The following TMEM161A variants were observed in gnomAD, a reference collection of about 807,000 sequenced individuals.
TMEM161A encodes the protein transmembrane protein 161A, also known as adaptive response to oxidative stress protein 29.
Under a neutral mutation model 57.1 loss-of-function variants are expected in TMEM161A, and 46 were observed. The observed-to-expected ratio is 0.81, with a 90% CI of 0.64 to 1.03. TMEM161A has a LOEUF of 1.03. TMEM161A is among the 50% of genes least tolerant of loss of function. TMEM161A has a pLI of 0.00. For synonymous variants in TMEM161A, 288 were observed against 279.0 expected, an observed-to-expected ratio of 1.03 and a Z score of -0.32; for missense variants, 601 against 621.5, an observed-to-expected ratio of 0.97 and a Z score of 0.35.
At chr19:19,131,151 C>A (rs1044214447) in intron 5 of TMEM161A, among the ~76,000 whole-genome samples, 4 of 151,822 alleles carry the variant, frequency 2.6e-5, no homozygotes, top group African/African-American at 9.7e-5. Context: ...ACCCGGGAGA[C>A]AGAGGTTGTA....
At position 19,120,131 on chromosome 19, in the gene TMEM161A, G is replaced by C; in HGVS notation, c.1239C>G (p.Ser413=). The C allele has an allele frequency of 6.4e-7, 1 of 1,565,302 alleles. No individual in the cohort carries two copies. The highest frequency in any genetic ancestry group is 8.7e-7 in the Non-Finnish European group (1 of 1,155,080). ...AGCCGATGGGGGCAGCGCTGGCTGAGGATGGGTCGGGGGATAGTAGAGGAG... is the reference window on the plus strand; with the variant it reads ...AGCCGATGGGGGCAGCGCTGGCTGACGATGGGTCGGGGGATAGTAGAGGAG... ...GPAPLLSPDP[S]SASAAPIGSG... is the part of the protein sequence containing the mutation. The change falls in exon 12 of 12, where the codon TCC becomes TCG. Residue 413 remains serine (S), a synonymous_variant. Transcript: ENST00000162044.
At chr19:19,124,458 C>G (rs533540798) in intron 6 of TMEM161A, among the ~76,000 whole-genome samples, 8 of 152,260 alleles carry the variant, frequency 5.3e-5, no homozygotes, top group African/African-American at 1.9e-4. Flanking sequence ...CAAATCTTAC[C>G]AAATTTTAAA....
chr19:19,120,940 C>A, intron 10 of TMEM161A, 52 bp downstream of exon 10: 2 of 1,610,070 alleles, frequency 1.2e-6, no homozygotes, highest in Non-Finnish European at 1.7e-6. Flanking sequence ...GACCAGGAAC[C>A]CCACCCTGAG....
In TMEM161A at chr19:19,134,087, T is replaced by C. The variant is rs2059973353; in HGVS notation, c.107+697A>G. Among the ~76,000 whole-genome samples the C allele has an allele frequency of 2.0e-5, 3 of 150,914 alleles. No homozygotes were observed. The South Asian group carries it at 6.3e-4, about 32-fold the overall frequency. ...TTTTTTTGCCTTTGTTTTTGTCACATACATTTTTCTCAGGAGAGAATTCAG... is the reference window on the plus strand; with the variant it reads ...TTTTTTTGCCTTTGTTTTTGTCACACACATTTTTCTCAGGAGAGAATTCAG... On this transcript the variant is annotated intron_variant, in intron 2 of 11. Transcript: ENST00000162044.
At position 19,133,137 on chromosome 19, in the gene TMEM161A, T is replaced by C. The variant is rs758386851; in HGVS notation, c.181A>G (p.Lys61Glu). 3.7e-6 allele frequency: 6 copies of C among 1,613,946 alleles called. No individual in the cohort carries two copies. In the Admixed American group the frequency reaches 1.0e-4, roughly 27 times the overall value. The change falls in exon 3 of 12, where the codon AAA (lysine) becomes GAA (glutamate). Residue 61 changes from lysine (K) to glutamate (E), a missense_variant. Lys to Glu is a moderately conservative substitution (Grantham distance 56). Coordinates refer to ENST00000162044, the MANE Select transcript of TMEM161A (RefSeq NM_017814.3). ...GGGGCCCAGGTCACTCACCGCTCTT[T>C]CCTGCCTCTGGGCCTCGGCTTCCCC... ...LAGKPRPRGR[K>E]ERWANGLSEE... is the part of the protein sequence containing the mutation.
intron 11 of TMEM161A, 129 bp downstream of exon 11, chr19:19,120,636 A>T: frequency 1.2e-6 from 1 of 835,324 alleles, no homozygotes; most frequent in Non-Finnish European, 1.9e-6. Context: ...ACCCTGCCTT[A>T]CCACAGTCTC....
At chr19:19,127,574 G>A (rs918002359) in intron 6 of TMEM161A, among the ~76,000 whole-genome samples, 35 of 151,850 alleles carry the variant, frequency 2.3e-4, no homozygotes, top group Non-Finnish European at 4.3e-4. Context: ...CGCCCGCCTT[G>A]GCCTCCCAAA....
rs1416420599 is a variant in TMEM161A, at chr19:19,121,240, C to T, written c.914+68G>A. The T allele has an allele frequency of 5.2e-6, 8 of 1,551,232 alleles. No individual in the cohort carries two copies. The highest frequency in any genetic ancestry group is 7.0e-6 in the Non-Finnish European group (8 of 1,146,812). On this transcript the variant is annotated intron_variant, in intron 9 of 11. Transcript: ENST00000162044. This position sits in a 1 kb window ranked among gnomAD's most constrained non-coding sequence, Gnocchi z 5.8. ...CCCCCAGGATCTTCCCCAGGCTCCTCCCTGAATCTCAGAGGCTAGGGCACC... is the reference window on the plus strand; with the variant it reads ...CCCCCAGGATCTTCCCCAGGCTCCTTCCTGAATCTCAGAGGCTAGGGCACC...
chr19:19,121,298 C>T lies in TMEM161A; in HGVS notation c.914+10G>A. On this transcript the variant is annotated intron_variant, in intron 9 of 11. Transcript: ENST00000162044. This position sits in a 1 kb window ranked among gnomAD's most constrained non-coding sequence, Gnocchi z 5.8. ...GCCCCAGCTACCTCCTAGCCCCACC[C>T]AATACGCACAGGGAGAAACGCGTCT... The T allele has an allele frequency of 6.4e-7, 1 of 1,557,338 alleles. No homozygotes were observed. Among genetic ancestry groups the T allele is most frequent in the Non-Finnish European group, 8.7e-7 (1 of 1,150,168 alleles).
chr19:19,121,838 G>A lies in TMEM161A; in HGVS notation c.596-19C>T, dbSNP rs373938287. On this transcript the variant is annotated intron_variant, in intron 6 of 11. Transcript: ENST00000162044. The surrounding 1 kb of genome is among the most constrained non-coding windows in gnomAD (Gnocchi z 5.8). ...GCCAGACCTGGGGACGATAAGAAGA[G>A]GACCGAGTAGAGTGAATTCCTAGGG... 8 of 1,613,256 alleles carry A rather than the reference G, an allele frequency of 5.0e-6. No individual in the cohort carries two copies. The highest frequency in any genetic ancestry group is 6.8e-6 in the Non-Finnish European group (8 of 1,179,900).
intron 6 of TMEM161A, among the ~76,000 whole-genome samples, chr19:19,129,161 G>A (rs748841246): frequency 3.9e-5 from 6 of 152,096 alleles, no homozygotes; most frequent in South Asian, 2.1e-4. Flanking sequence ...CCTTACTGCC[G>A]CCCCCTTGGG....
chr19:19,123,476 A>G (rs910258369), intron 6 of TMEM161A, among the ~76,000 whole-genome samples: 1 of 152,244 alleles, frequency 6.6e-6, no homozygotes, highest in Admixed American at 6.6e-5. Context: ...GTCAACTGCA[A>G]CAACAGAAAA....
At position 19,120,841 on chromosome 19, in the gene TMEM161A, A is replaced by G; in HGVS notation, c.1110T>C (p.Tyr370=). ...GGTACTGCAAGCTCACCACGGTCAC[A>G]TAGCAGTAGACTCGGACCACCTGTG... ...IQQRVVRVYC[Y]VTVVSLQYLT... is the part of the protein sequence containing the mutation. The change falls in exon 11 of 12, where the codon TAT becomes TAC. Residue 370 remains tyrosine (Y), a synonymous_variant. Coordinates refer to ENST00000162044, the MANE Select transcript of TMEM161A (RefSeq NM_017814.3). The G allele has an allele frequency of 6.2e-7, 1 of 1,613,450 alleles. No homozygotes were observed. The highest frequency in any genetic ancestry group is 8.5e-7 in the Non-Finnish European group (1 of 1,180,028).
Position 19,121,896 on chromosome 19 carries a change from T to C in TMEM161A, c.596-77A>G. 6.6e-7 allele frequency: 1 copy of C among 1,509,360 alleles called. No homozygotes were observed. The highest frequency in any genetic ancestry group is 2.3e-5 in the East Asian group (1 of 43,088). The allele number at this position is 1,509,360 out of a possible 1,614,324, so 93.5% of individuals were successfully genotyped here. On this transcript the variant is annotated intron_variant, in intron 6 of 11. Transcript: ENST00000162044. This position sits in a 1 kb window ranked among gnomAD's most constrained non-coding sequence, Gnocchi z 5.8. ...GGCCACTCTGTTCCCTAACCCCCCA[T>C]CCCTCAGGCATCCGTTTGCTTCCCA...
chr19:19,130,163 C>T lies in TMEM161A; in HGVS notation c.588G>A (p.Leu196=), dbSNP rs750705855. ...GTTGGGGGCTGCACTTACCAGGCTC[C>T]AGGCCCAGCTCGAGGGTCTCCTCCC... ...VVREETLELG[L]EPGLASMTQN... Residue 196 remains leucine, a synonymous_variant, in exon 6 of 12, where the codon CTG becomes CTA. Coordinates refer to ENST00000162044, the MANE Select transcript of TMEM161A (RefSeq NM_017814.3). The T allele has an allele frequency of 1.9e-6, 3 of 1,613,234 alleles. No homozygotes were observed. Among genetic ancestry groups the T allele is most frequent in the Non-Finnish European group, 2.5e-6 (3 of 1,180,044 alleles).
chr19:19,121,113 C>T lies in TMEM161A; in HGVS notation c.968G>A (p.Cys323Tyr), dbSNP rs2059907667. ...CCGGGTCACCGCCAGCCGCAGCAGG[C>T]ACAGCACCACCAGCAACCAGAGGCG... ...SGRLWLLVVL[C>Y]LLRLAVTRPH... The change falls in exon 10 of 12, where the codon TGC (cysteine) becomes TAC (tyrosine). Residue 323 changes from cysteine (C) to tyrosine (Y), a missense_variant. Coordinates refer to ENST00000162044, the MANE Select transcript of TMEM161A (RefSeq NM_017814.3). The surrounding 1 kb of genome is among the most constrained non-coding windows in gnomAD (Gnocchi z 5.8). 17 of 1,611,380 alleles carry T rather than the reference C, an allele frequency of 1.1e-5. No individual in the cohort carries two copies. The highest frequency in any genetic ancestry group is 3.3e-4 in the Middle Eastern group (2 of 6,078).
chr19:19,126,240 AAAAT>A (rs2059930704), intron 6 of TMEM161A, among the ~76,000 whole-genome samples: 1 of 152,218 alleles, frequency 6.6e-6, no homozygotes, highest in Non-Finnish European at 1.5e-5. Context: ...AATATCAACT[AAAAT>A]AATCAACTTC....
chr19:19,127,780 A>T (rs8099994), intron 6 of TMEM161A, among the ~76,000 whole-genome samples: 7,666 of 151,946 alleles, frequency 0.05, 224 homozygotes, highest in Middle Eastern at 0.11. Context: ...AAAAAAAAAA[A>T]AAATTAAAAA....
intron 3 of TMEM161A, 65 bp downstream of exon 3, chr19:19,133,065 G>T: frequency 1.3e-6 from 2 of 1,488,208 alleles, no homozygotes; most frequent in South Asian, 2.4e-5. Context: ...CCCTGAGCAG[G>T]GGTGAGGCCG....
Sources: allele counts gnomAD v4.1 joint callset (sites outside exome capture counted in the v4.1 genomes callset), GRCh38; gene constraint gnomAD v4.1.1; non-coding constraint Gnocchi (gnomAD v3.1); transcripts MANE v1.5; gene names NCBI Gene and HGNC (gene_info 2026-07-23, HGNC 2026-07-21).